Variants in TESK2 observed in about 807,000 individuals in gnomAD.
TESK2 encodes the protein dual specificity testis-specific protein kinase 2.
In TESK2, 39 loss-of-function variants were observed where a neutral mutation model predicts 57.1. The observed-to-expected ratio is 0.68, with a 90% CI of 0.53 to 0.89. The LOEUF (loss-of-function observed/expected upper bound fraction) is 0.89. Among genes scored for constraint, TESK2 ranks in the 40% least tolerant of loss-of-function variants. The probability of loss-of-function intolerance (pLI) is 0.00; values close to 1 mark genes in which losing one functional copy is unlikely to be tolerated. For synonymous variants in TESK2, 249 were observed against 267.9 expected (o/e 0.93, Z 0.69); for missense variants, 646 against 732.1 (o/e 0.88, Z 1.36).
rs771312672 is a variant in TESK2, at chr1:45,479,453, G to A, written c.-87+11399C>T. Among the ~76,000 whole-genome samples, 8 of 150,830 alleles carry A rather than the reference G, an allele frequency of 5.3e-5. No homozygotes were observed. In the East Asian group the frequency reaches 1.2e-3, roughly 22 times the overall value. ...AAAAAAATTTTTTTTTTTTGGAGACGGAGTTTTTGCTCTTGTTGCCCAGGT... is the reference window on the plus strand; with the variant it reads ...AAAAAAATTTTTTTTTTTTGGAGACAGAGTTTTTGCTCTTGTTGCCCAGGT... On this transcript the variant is annotated intron_variant, in intron 1 of 10. Transcript: ENST00000372086.
chr1:45,472,973 TAAAAAAAA>T (rs1023886539), intron 1 of TESK2, among the ~76,000 whole-genome samples: 1 of 100,846 alleles, frequency 9.9e-6, no homozygotes, highest in African/African-American at 3.7e-5. Context: ...CTGTCTCTAC[TAAAAAAAA>T]AAAAAAAAAA....
At chr1:45,380,298 C>A (rs1435289034) in intron 4 of TESK2, among the ~76,000 whole-genome samples, 1 of 152,162 alleles carries the variant, frequency 6.6e-6, no homozygotes, top group Admixed American at 6.5e-5. Flanking sequence ...GAGAGTACTG[C>A]CATTTGTGAA....
In TESK2 at chr1:45,361,333, A is replaced by G. The variant is rs1222847465; in HGVS notation, c.394-5884T>C. On this transcript the variant is annotated intron_variant, in intron 4 of 10. Transcript: ENST00000372086. ...CTAGACTACTCCCTCGGTCAGCCCTATAAAATGACCCAAGGCATTGGTAAT... is the reference window on the plus strand; with the variant it reads ...CTAGACTACTCCCTCGGTCAGCCCTGTAAAATGACCCAAGGCATTGGTAAT... 2.0e-5 allele frequency among the ~76,000 whole-genome samples: 3 copies of G among 152,268 alleles called. No individual in the cohort carries two copies. The East Asian group carries it at 5.8e-4, about 29-fold the overall frequency.
intron 4 of TESK2, among the ~76,000 whole-genome samples, chr1:45,380,418 G>C (rs1648607281): frequency 6.6e-6 from 1 of 152,070 alleles, no homozygotes; most frequent in African/African-American, 2.4e-5. Context: ...TTCCTTCTCT[G>C]TGCCTTTCTT....
At chr1:45,358,092 T>C (rs1647519404) in intron 4 of TESK2, among the ~76,000 whole-genome samples, 1 of 144,490 alleles carries the variant, frequency 6.9e-6, no homozygotes, top group African/African-American at 2.6e-5. Context: ...GGTGGGCAGA[T>C]CACGAGGTCA....
At chr1:45,403,684 A>T (rs145440421) in intron 3 of TESK2, among the ~76,000 whole-genome samples, 4 of 152,286 alleles carry the variant, frequency 2.6e-5, no homozygotes, top group African/African-American at 9.6e-5. Flanking sequence ...AAAGCAATAC[A>T]AAGATCTAAA....
chr1:45,418,142 T>C (rs1237077882), intron 3 of TESK2, among the ~76,000 whole-genome samples: 1 of 152,246 alleles, frequency 6.6e-6, no homozygotes, highest in Non-Finnish European at 1.5e-5. Context: ...AAGTTTTATT[T>C]TCTTTTTCTT....
chr1:45,481,938 T>C (rs973365081), intron 1 of TESK2, among the ~76,000 whole-genome samples: 2 of 152,158 alleles, frequency 1.3e-5, no homozygotes, highest in African/African-American at 4.8e-5. Flanking sequence ...TGCATAAAAT[T>C]GACTATAGTA....
intron 2 of TESK2, among the ~76,000 whole-genome samples, chr1:45,437,560 T>C (rs1411509262): frequency 6.6e-6 from 1 of 152,216 alleles, no homozygotes; most frequent in African/African-American, 2.4e-5. Context: ...TACCTCACTG[T>C]TGCAGCTAGG....
intron 1 of TESK2, among the ~76,000 whole-genome samples, chr1:45,476,223 C>T (rs1396583436): frequency 6.6e-6 from 1 of 152,020 alleles, no homozygotes; most frequent in Non-Finnish European, 1.5e-5. Flanking sequence ...AATTACAGTA[C>T]AGGCCAGGCA....
At chr1:45,442,216 G>A (rs756804072) in intron 2 of TESK2, among the ~76,000 whole-genome samples, 1 of 151,944 alleles carries the variant, frequency 6.6e-6, no homozygotes, top group South Asian at 2.1e-4. Flanking sequence ...GATTATAGGC[G>A]TGAGCCACCT....
intron 7 of TESK2, 44 bp downstream of exon 7, chr1:45,347,565 A>G: frequency 1.3e-6 from 2 of 1,575,828 alleles, no homozygotes; most frequent in Non-Finnish European, 1.7e-6. Flanking sequence ...AAAAAAAAGA[A>G]AAAGAAAAAA....
intron 2 of TESK2, among the ~76,000 whole-genome samples, chr1:45,454,929 G>GCAA (rs1652013469): frequency 6.6e-6 from 1 of 151,998 alleles, no homozygotes; most frequent in Non-Finnish European, 1.5e-5. Context: ...ACTTATATAA[G>GCAA]GTACCTAGAA....
intron 5 of TESK2, among the ~76,000 whole-genome samples, chr1:45,354,805 A>AAT (rs1647339787): frequency 1.5e-5 from 1 of 67,442 alleles, no homozygotes; most frequent in Non-Finnish European, 2.6e-5. Context: ...AAAAAAAAAA[A>AAT]AAAAAAAAAA....
At position 45,402,202 on chromosome 1, in the gene TESK2, C is replaced by A. The variant is rs575635851; in HGVS notation, c.345-16242G>T. Among the ~76,000 whole-genome samples, 3 of 151,258 alleles carry A rather than the reference C, an allele frequency of 2.0e-5. No individual in the cohort carries two copies. The East Asian group carries it at 5.8e-4, about 29-fold the overall frequency. On this transcript the variant is annotated intron_variant, in intron 3 of 10. Coordinates refer to ENST00000372086, the MANE Select transcript of TESK2 (RefSeq NM_007170.3). The stretch of plus-strand genomic sequence containing the variant: ...GCCAGGAGTTCAGGACCAGTCTGGG[C>A]AACATAGTGAGACCCTGTCTCTAAA...
intron 2 of TESK2, among the ~76,000 whole-genome samples, chr1:45,437,040 C>G (rs1394446003): frequency 6.6e-6 from 1 of 152,094 alleles, no homozygotes; most frequent in East Asian, 1.9e-4. Context: ...CTCAATCCAC[C>G]CACCTTGGCC....
At chr1:45,440,640 G>A (rs890019319) in intron 2 of TESK2, among the ~76,000 whole-genome samples, 5 of 151,902 alleles carry the variant, frequency 3.3e-5, no homozygotes, top group Admixed American at 1.3e-4. Context: ...CACTTAAACC[G>A]GGGAGGCAGA....
At chr1:45,414,437 G>C (rs1230093920) in intron 3 of TESK2, among the ~76,000 whole-genome samples, 4 of 152,116 alleles carry the variant, frequency 2.6e-5, no homozygotes, top group Non-Finnish European at 5.9e-5. Context: ...GGGCTTATTG[G>C]GAAGATTTAG....
At chr1:45,351,348 A>C (rs1005887032) in intron 5 of TESK2, among the ~76,000 whole-genome samples, 2 of 152,240 alleles carry the variant, frequency 1.3e-5, no homozygotes, top group African/African-American at 4.8e-5. Context: ...CCACTGCAAA[A>C]GTCTGTTTCA....
Sources: allele counts gnomAD v4.1 joint callset (sites outside exome capture counted in the v4.1 genomes callset), GRCh38; gene constraint gnomAD v4.1.1; transcripts MANE v1.5; gene names NCBI Gene and HGNC (gene_info 2026-07-23, HGNC 2026-07-21).